The following FMN2 variants were observed in gnomAD, a reference collection of about 807,000 sequenced individuals.
The protein encoded by FMN2 is formin 2, also known as formin-2.
In FMN2, 51 loss-of-function variants were observed where a neutral mutation model predicts 142.3. The ratio of observed to expected loss-of-function variants is 0.36; its 90% CI spans 0.29 to 0.45. FMN2 has a LOEUF of 0.45. FMN2 is among the 20% of genes least tolerant of loss of function. The probability of loss-of-function intolerance (pLI) is 1.00; values close to 1 mark genes in which losing one functional copy is unlikely to be tolerated. For missense variants in FMN2, 1,936 were observed against 2,122.8 expected (o/e 0.91, Z 1.73); for synonymous variants, 882 against 869.8 (o/e 1.01, Z -0.25).
intron 8 of FMN2, among the ~76,000 whole-genome samples, chr1:240,315,758 G>A (rs1670761395): frequency 1.3e-5 from 2 of 152,158 alleles, no homozygotes; most frequent in African/African-American, 4.8e-5. Flanking sequence ...GCTGTAGTGT[G>A]TGAGTCAGTG....
intron 6 of FMN2, among the ~76,000 whole-genome samples, chr1:240,216,586 A>T (rs1019390759): frequency 2.0e-5 from 3 of 152,228 alleles, no homozygotes; most frequent in Non-Finnish European, 4.4e-5. Flanking sequence ...TGTGCTACTT[A>T]TTATAAGGGC....
In FMN2 at chr1:240,208,603, C is replaced by T. The variant is rs764395426; in HGVS notation, c.3791C>T (p.Pro1264Leu). 11 of 1,613,738 alleles carry T rather than the reference C, an allele frequency of 6.8e-6. No individual in the cohort carries two copies. The South Asian group carries it at 1.2e-4, about 18-fold the overall frequency. The change falls in exon 5 of 18, where the codon CCT becomes CTT. Residue 1264 changes from proline to leucine, a missense_variant. Coordinates refer to ENST00000319653, the MANE Select transcript of FMN2 (RefSeq NM_020066.5). ...LPTPQVCGFL[P>L]PPLPSGLFGL... is the part of the protein sequence containing the mutation. ...ACCCCACAGGTGTGTGGATTTCTTC[C>T]TCCTCCATTGCCAAGTGGCTTGTTT...
At chr1:240,422,507 A>T (rs1194304145) in intron 15 of FMN2, among the ~76,000 whole-genome samples, 2 of 152,076 alleles carry the variant, frequency 1.3e-5, no homozygotes, top group African/African-American at 4.8e-5. Flanking sequence ...TTTTTTGGTG[A>T]TACTGTAAGT....
chr1:240,131,674 A>C (rs1432167920), intron 2 of FMN2, among the ~76,000 whole-genome samples: 2 of 151,816 alleles, frequency 1.3e-5, no homozygotes, highest in Non-Finnish European at 2.9e-5. Context: ...GCACTATTGC[A>C]CTCCAGCCTG....
chr1:240,173,825 C>T (rs1664805143), intron 2 of FMN2, among the ~76,000 whole-genome samples: 1 of 152,084 alleles, frequency 6.6e-6, no homozygotes, highest in Non-Finnish European at 1.5e-5. Flanking sequence ...TGACCAGATA[C>T]TTTTGTTTGT....
At position 240,229,846 on chromosome 1, in the gene FMN2, A is replaced by T. The variant is rs1667480452; in HGVS notation, c.4065+18611A>T. On this transcript the variant is annotated intron_variant, in intron 6 of 17. Transcript: ENST00000319653. ...ATTTTAGTAGAGACAGGGTTTCACC[A>T]TGTTGGTCAGGCTGGTCTCGAACTG... Among the ~76,000 whole-genome samples, 2 of 129,770 alleles carry T rather than the reference A, an allele frequency of 1.5e-5. 1 individual carries two copies. The highest frequency in any genetic ancestry group is 4.6e-4 in the East Asian group (2 of 4,374). The allele number at this position is 129,770 out of a possible 152,430, so 85.1% of individuals were successfully genotyped here. A position where few individuals can be genotyped will look rare whatever the true frequency, so the allele number is the denominator to read the frequency against.
Position 240,154,107 on chromosome 1 carries a change from CAAAAAAA to C in FMN2, c.1783-23796_1783-23790del, listed in dbSNP as rs3047182. Among the ~76,000 whole-genome samples the C allele has an allele frequency of 9.0e-5, 5 of 55,316 alleles. 1 individual carries two copies. The highest frequency in any genetic ancestry group is 1.7e-4 in the Non-Finnish European group (5 of 29,466). 36.3% of individuals were successfully genotyped at this position (55,316 alleles called of 152,430 possible). A position where few individuals can be genotyped will look rare whatever the true frequency, so the allele number is the denominator to read the frequency against. On this transcript the variant is annotated intron_variant, in intron 2 of 17. Coordinates refer to ENST00000319653, the MANE Select transcript of FMN2 (RefSeq NM_020066.5). ...CCTGGGCGACAAAGTGAGATTCCAT[CAAAAAAA>C]AAAAAAAAAAAAAAAAAGTGTTACT...
intron 16 of FMN2, among the ~76,000 whole-genome samples, chr1:240,443,303 ATT>A (rs1397349057): frequency 1.3e-5 from 2 of 152,216 alleles, no homozygotes; most frequent in East Asian, 1.9e-4. Flanking sequence ...CAGAAAAATT[ATT>A]TTTTCATCTA....
intron 13 of FMN2, among the ~76,000 whole-genome samples, chr1:240,334,650 A>ATTT (rs1553364824): frequency 2.6e-5 from 4 of 151,776 alleles, no homozygotes; most frequent in Admixed American, 6.6e-5. Flanking sequence ...GGAACAAAAT[A>ATTT]TCTTCTACTT....
chr1:240,235,798 A>C (rs1667690603), intron 6 of FMN2: 1 of 152,108 alleles, frequency 6.6e-6, no homozygotes, highest in African/African-American at 2.4e-5. Context: ...TGGTGAAGTC[A>C]ACCAGTACCT....
intron 2 of FMN2, among the ~76,000 whole-genome samples, chr1:240,132,027 T>C (rs531013238): frequency 3.3e-5 from 5 of 152,300 alleles, no homozygotes; most frequent in Admixed American, 6.5e-5. Context: ...AAGAGCCAGC[T>C]ATAGGGAATC....
At chr1:240,442,287 A>G (rs908482742) in intron 16 of FMN2, among the ~76,000 whole-genome samples, 2 of 152,196 alleles carry the variant, frequency 1.3e-5, no homozygotes, top group African/African-American at 4.8e-5. Context: ...AGCAGTTTCC[A>G]TATCCATCTG....
Position 240,092,101 on chromosome 1 carries a change from G to T in FMN2, c.-9G>T, listed in dbSNP as rs1660991999. 5 of 1,546,666 alleles carry T rather than the reference G, an allele frequency of 3.2e-6. No individual in the cohort carries two copies. Among genetic ancestry groups the T allele is most frequent in the Non-Finnish European group, 2.6e-6 (3 of 1,146,836 alleles). On this transcript the variant is annotated 5_prime_UTR_variant, in exon 1 of 18. Transcript: ENST00000319653. ...CCGCGGCGCGGCGGCGCAGCAGCGG[G>T]ATTGCACCATGGGGAACCAGGATGG...
At chr1:240,216,000 C>T (rs773442462) in intron 6 of FMN2, among the ~76,000 whole-genome samples, 2 of 152,154 alleles carry the variant, frequency 1.3e-5, no homozygotes, top group South Asian at 2.1e-4. Flanking sequence ...TGAACCACTG[C>T]GCCTGGCCAA....
At chr1:240,220,128 A>G (rs1254049865) in intron 6 of FMN2, among the ~76,000 whole-genome samples, 2 of 152,328 alleles carry the variant, frequency 1.3e-5, no homozygotes, top group East Asian at 3.9e-4. Flanking sequence ...CAGTAAAACA[A>G]CAACTTAACT....
intron 7 of FMN2, among the ~76,000 whole-genome samples, chr1:240,275,783 C>G (rs1007007293): frequency 2.6e-5 from 4 of 152,182 alleles, no homozygotes; most frequent in African/African-American, 9.7e-5. Context: ...GCTCGCCATT[C>G]TAACTGGTGT....
chr1:240,390,392 G>A (rs1431802126), intron 14 of FMN2, among the ~76,000 whole-genome samples: 2 of 152,150 alleles, frequency 1.3e-5, no homozygotes, highest in Admixed American at 6.5e-5. Context: ...TTGGATTAAA[G>A]TTTTTGTTTC....
At chr1:240,217,583 C>T (rs1666952183) in intron 6 of FMN2, among the ~76,000 whole-genome samples, 1 of 151,854 alleles carries the variant, frequency 6.6e-6, no homozygotes, top group Non-Finnish European at 1.5e-5. Context: ...CATAGAAAAC[C>T]ACATCAAAAT....
At chr1:240,183,985 A>G (rs1031628512) in intron 3 of FMN2, among the ~76,000 whole-genome samples, 1 of 152,108 alleles carries the variant, frequency 6.6e-6, no homozygotes, top group Non-Finnish European at 1.5e-5. Flanking sequence ...TTTAGAAGGC[A>G]TATTTTGTAT....
Sources: gnomAD v4.1 joint callset for allele counts (sites outside exome capture counted in the v4.1 genomes callset) on GRCh38, gnomAD v4.1.1 for gene constraint, MANE v1.5 for transcripts, NCBI Gene and HGNC (gene_info 2026-07-23, HGNC 2026-07-21) for gene names.